Variants in CNTNAP2 observed in about 807,000 individuals in gnomAD.
CNTNAP2 encodes the protein contactin-associated protein-like 2.
Under a neutral mutation model 155.2 loss-of-function variants are expected in CNTNAP2, and 98 were observed. The observed-to-expected ratio is 0.63, with a 90% CI of 0.54 to 0.75. The LOEUF (loss-of-function observed/expected upper bound fraction) is 0.75. Among genes scored for constraint, CNTNAP2 ranks in the 30% least tolerant of loss-of-function variants. CNTNAP2 has a pLI of 0.00. For missense variants in CNTNAP2, 1,727 were observed against 1,688.1 expected, an observed-to-expected ratio of 1.02 and a Z score of -0.40; for synonymous variants, 651 against 631.2, an observed-to-expected ratio of 1.03 and a Z score of -0.47.
At chr7:146,851,837 T>A (rs772357035) in intron 3 of CNTNAP2, among the ~76,000 whole-genome samples, 174 of 151,924 alleles carry the variant, frequency 1.1e-3, no homozygotes, top group Admixed American at 5.9e-3. Flanking sequence ...CATGTCACCA[T>A]GCCCAGATAA....
chr7:146,946,098 CCTT>C (rs1296415895), intron 3 of CNTNAP2, among the ~76,000 whole-genome samples: 1 of 150,642 alleles, frequency 6.6e-6, no homozygotes, highest in East Asian at 2.0e-4. Context: ...TCCTTCCTTT[CCTT>C]CTTTCCTTCC....
intron 21 of CNTNAP2, among the ~76,000 whole-genome samples, chr7:148,350,061 GGCAGGGAGGCTA>G (rs1252475985): frequency 6.6e-6 from 1 of 152,196 alleles, no homozygotes; most frequent in African/African-American, 2.4e-5. Context: ...CATGAGTGGA[GGCAGGGAGGCTA>G]GCAGGGAGGC....
At chr7:146,967,820 G>T (rs975873009) in intron 3 of CNTNAP2, among the ~76,000 whole-genome samples, 4 of 151,734 alleles carry the variant, frequency 2.6e-5, no homozygotes, top group African/African-American at 9.7e-5. Flanking sequence ...CTGCCTAATT[G>T]CCCTGGCCAG....
intron 1 of CNTNAP2, among the ~76,000 whole-genome samples, chr7:146,485,268 A>G (rs144912089): frequency 8.4e-4 from 128 of 152,274 alleles, no homozygotes; most frequent in African/African-American, 2.9e-3. Flanking sequence ...TTAACCACTT[A>G]TTTATAAGGT....
chr7:146,257,478 A>G (rs1458291356), intron 1 of CNTNAP2, among the ~76,000 whole-genome samples: 1 of 152,244 alleles, frequency 6.6e-6, no homozygotes, highest in Non-Finnish European at 1.5e-5. Context: ...TCCATTTTCA[A>G]AAACTATCAC....
intron 14 of CNTNAP2, among the ~76,000 whole-genome samples, chr7:147,973,648 G>T (rs1318874816): frequency 6.6e-6 from 1 of 152,134 alleles, no homozygotes; most frequent in African/African-American, 2.4e-5. Context: ...TTTCAGCCTA[G>T]CTAAAGACAT....
chr7:146,151,165 C>T (rs1232359968), intron 1 of CNTNAP2, among the ~76,000 whole-genome samples: 1 of 152,046 alleles, frequency 6.6e-6, no homozygotes, highest in Non-Finnish European at 1.5e-5. Context: ...CACTTCCCAC[C>T]AGGTTTCTTC....
intron 9 of CNTNAP2, among the ~76,000 whole-genome samples, chr7:147,364,321 A>ACT (rs1796191238): frequency 6.6e-6 from 1 of 152,226 alleles, no homozygotes; most frequent in African/African-American, 2.4e-5. Context: ...CTGAACACTT[A>ACT]GAAAATTATA....
intron 15 of CNTNAP2, among the ~76,000 whole-genome samples, chr7:148,070,747 TAAG>T (rs753612187): frequency 3.9e-5 from 6 of 152,116 alleles, no homozygotes; most frequent in Non-Finnish European, 5.9e-5. Context: ...TTAAATTAAA[TAAG>T]AAACAGTTTT....
chr7:146,914,517 T>C (rs563437170), intron 3 of CNTNAP2, among the ~76,000 whole-genome samples: 2 of 152,220 alleles, frequency 1.3e-5, no homozygotes, highest in African/African-American at 4.8e-5. Context: ...GGTATCACAT[T>C]GTGGTTTTGA....
chr7:148,057,230 G>C (rs539264629), intron 15 of CNTNAP2, among the ~76,000 whole-genome samples: 25 of 152,292 alleles, frequency 1.6e-4, no homozygotes, highest in African/African-American at 4.8e-4. Context: ...AATTCACTAA[G>C]CGGTGGGTAG....
At chr7:146,334,588 ATT>A (rs11323315) in intron 1 of CNTNAP2, among the ~76,000 whole-genome samples, 4 of 151,420 alleles carry the variant, frequency 2.6e-5, no homozygotes, top group East Asian at 3.9e-4. Flanking sequence ...TATGCATGCC[ATT>A]TTTTTTTTCT....
At chr7:147,390,416 A>C (rs1023944931) in intron 9 of CNTNAP2, among the ~76,000 whole-genome samples, 1 of 152,206 alleles carries the variant, frequency 6.6e-6, no homozygotes, top group African/African-American at 2.4e-5. Context: ...CCAGTAATTT[A>C]GGAGCAGCTT....
At chr7:146,446,840 T>G (rs1796409403) in intron 1 of CNTNAP2, among the ~76,000 whole-genome samples, 1 of 152,038 alleles carries the variant, frequency 6.6e-6, no homozygotes, top group African/African-American at 2.4e-5. Flanking sequence ...TTGTTCTATA[T>G]TCTATAAAGG....
intron 1 of CNTNAP2, among the ~76,000 whole-genome samples, chr7:146,303,891 TG>T (rs1213872139): frequency 6.6e-6 from 1 of 152,144 alleles, no homozygotes; most frequent in African/African-American, 2.4e-5. Flanking sequence ...ATTATTATTG[TG>T]TGAGAGTCTA....
In CNTNAP2 at chr7:148,366,080, GTGCATGTATACATGTATGTGTA is replaced by G. The variant is rs1563059995; in HGVS notation, c.3476-17559_3476-17538del. On this transcript the variant is annotated intron_variant, in intron 21 of 23. Coordinates refer to ENST00000361727, the MANE Select transcript of CNTNAP2 (RefSeq NM_014141.6). ...TGTATGCATGTATGCATGTATGTGT[GTGCATGTATACATGTATGTGTA>G]TGCATGTATGCATGTATGTGTATGC... Among the ~76,000 whole-genome samples, 43 of 6,020 alleles carry G rather than the reference GTGCATGTATACATGTATGTGTA, an allele frequency of 7.1e-3. 21 individuals carry two copies. The highest frequency in any genetic ancestry group is 0.014 in the African/African-American group (39 of 2,746). The allele number at this position is 6,020 out of a possible 152,430, so 3.9% of individuals were successfully genotyped here.
At chr7:148,126,591 G>A (rs953074170) in intron 16 of CNTNAP2, among the ~76,000 whole-genome samples, 9 of 152,296 alleles carry the variant, frequency 5.9e-5, no homozygotes, top group African/African-American at 9.6e-5. Flanking sequence ...AAAAGGCTGC[G>A]GAGAAAGTCA....
At chr7:148,204,611 T>C (rs1222288397) in intron 18 of CNTNAP2, among the ~76,000 whole-genome samples, 1 of 152,216 alleles carries the variant, frequency 6.6e-6, no homozygotes, top group African/African-American at 2.4e-5. Flanking sequence ...TCTTTACTGG[T>C]AGAGAAAAAT....
At chr7:146,922,133 A>G (rs147269195) in intron 3 of CNTNAP2, among the ~76,000 whole-genome samples, 1 of 152,264 alleles carries the variant, frequency 6.6e-6, no homozygotes, top group Non-Finnish European at 1.5e-5. Flanking sequence ...TTTTAAAATC[A>G]TACACATATA....
Sources: gnomAD v4.1 joint callset for allele counts (sites outside exome capture counted in the v4.1 genomes callset) on GRCh38, gnomAD v4.1.1 for gene constraint, MANE v1.5 for transcripts, NCBI Gene and HGNC (gene_info 2026-07-23, HGNC 2026-07-21) for gene names.